GRAMD1B: variants seen among roughly 807,000 people sequenced by gnomAD.
GRAMD1B encodes the protein protein Aster-B.
Under a neutral mutation model 99.7 loss-of-function variants are expected in GRAMD1B, and 37 were observed. The observed-to-expected ratio is 0.37, with a 90% CI of 0.29 to 0.49. The LOEUF (loss-of-function observed/expected upper bound fraction) is 0.49. Ranked by LOEUF, GRAMD1B falls within the 20% of genes least tolerant of loss-of-function variation. GRAMD1B has a pLI of 0.98. For missense variants in GRAMD1B, 888 were observed against 1,009.2 expected (o/e 0.88, Z 1.63); for synonymous variants, 427 against 387.6 (o/e 1.10, Z -1.19).
At chr11:123,360,768 T>TTCCTTCC (rs1946113989) in intron 1 of GRAMD1B, among the ~76,000 whole-genome samples, 2 of 70,188 alleles carry the variant, frequency 2.8e-5, no homozygotes, top group South Asian at 5.7e-4. Flanking sequence ...TCCTTCCTTC[T>TTCCTTCC]TTCCTTCCTT....
chr11:123,588,394 G>A (rs983336154), intron 4 of GRAMD1B, among the ~76,000 whole-genome samples: 7 of 152,108 alleles, frequency 4.6e-5, no homozygotes, highest in African/African-American at 1.4e-4. Context: ...TTCTGCGTAC[G>A]GGACTCATCT....
In GRAMD1B at chr11:123,613,633, G is replaced by A; in HGVS notation, c.2202G>A (p.Val734=). ...SPVTTPTDED[V]GHRIKHVAGS... is the part of the protein sequence containing the mutation. ...TCACCACGCCCACAGATGAGGATGT[G>A]GGCCACAGGATCAAACATGTGGCAG... Residue 734 remains valine (V), a synonymous_variant, in exon 16 of 20, where the codon GTG becomes GTA. Transcript: ENST00000635736. The A allele has an allele frequency of 6.2e-7, 1 of 1,613,664 alleles. No homozygotes were observed. Among genetic ancestry groups the A allele is most frequent in the Admixed American group, 1.7e-5 (1 of 59,996 alleles).
intron 2 of GRAMD1B, among the ~76,000 whole-genome samples, chr11:123,496,091 C>A (rs1054548802): frequency 6.6e-6 from 1 of 152,114 alleles, no homozygotes; most frequent in Non-Finnish European, 1.5e-5. Flanking sequence ...TCATTAACAT[C>A]CTTTTCTTTC....
At position 123,431,034 on chromosome 11, in the gene GRAMD1B, A is replaced by C. The variant is rs1482983766; in HGVS notation, c.242A>C (p.Glu81Ala). ...GKEFLQLPSI[E>A]ITPSSDEDTP... The stretch of plus-strand genomic sequence containing the variant: ...GAGTTCCTGCAGCTGCCGTCCATCG[A>C]GATCACGCCCTCCAGCGACGAGGAC... Residue 81 changes from glutamate to alanine, a missense_variant, in exon 1 of 20, where the codon GAG (glutamate) becomes GCG (alanine). This residue lies in a region of GRAMD1B where 233 missense variants were observed against 154.6 expected (regional missense o/e 1.51). Coordinates refer to ENST00000635736, the MANE Select transcript of GRAMD1B (RefSeq NM_001387025.1). 1.4e-6 allele frequency: 1 copy of C among 702,874 alleles called. No individual in the cohort carries two copies. Among genetic ancestry groups the C allele is most frequent in the East Asian group, 2.7e-5 (1 of 37,288 alleles). 43.5% of individuals were successfully genotyped at this position (702,874 alleles called of 1,614,324 possible). A position where few individuals can be genotyped will look rare whatever the true frequency, so the allele number is the denominator to read the frequency against.
At chr11:123,601,814 A>AT (rs1275769288) in intron 8 of GRAMD1B, among the ~76,000 whole-genome samples, 1 of 152,214 alleles carries the variant, frequency 6.6e-6, no homozygotes, top group Non-Finnish European at 1.5e-5. Context: ...TTTTTAAGTA[A>AT]GACACAGGGT....
At chr11:123,422,565 A>G (rs1255549965) in intron 1 of GRAMD1B, among the ~76,000 whole-genome samples, 1 of 152,228 alleles carries the variant, frequency 6.6e-6, no homozygotes, top group Non-Finnish European at 1.5e-5. Flanking sequence ...TATCAGAACA[A>G]ACCAGGCAAC....
intron 3 of GRAMD1B, among the ~76,000 whole-genome samples, chr11:123,577,904 C>T (rs1032381843): frequency 6.6e-6 from 1 of 151,742 alleles, no homozygotes; most frequent in African/African-American, 2.4e-5. Context: ...TTCCTAGAGC[C>T]GGGGTAGAAG....
At chr11:123,558,817 G>A (rs1281313323) in intron 2 of GRAMD1B, among the ~76,000 whole-genome samples, 1 of 152,188 alleles carries the variant, frequency 6.6e-6, no homozygotes, top group Non-Finnish European at 1.5e-5. Flanking sequence ...GATACTGTGC[G>A]GCTGCTGTTC....
chr11:123,434,614 C>G lies in GRAMD1B; in HGVS notation c.374+3448C>G, dbSNP rs182321910. 1.8e-4 allele frequency among the ~76,000 whole-genome samples: 28 copies of G among 152,154 alleles called. No homozygotes were observed. In the East Asian group the frequency reaches 3.3e-3, roughly 18 times the overall value. On this transcript the variant is annotated intron_variant, in intron 1 of 19. Coordinates refer to ENST00000635736, the MANE Select transcript of GRAMD1B (RefSeq NM_001387025.1). ...ACCAGCCTAGCCAACATGGCAAAAC[C>G]CTGTTGCTACTAAAAATACAAAAAT... is the stretch of plus-strand genomic sequence containing the variant.
At chr11:123,511,715 G>T (rs937876393) in intron 2 of GRAMD1B, among the ~76,000 whole-genome samples, 1 of 152,194 alleles carries the variant, frequency 6.6e-6, no homozygotes, top group Admixed American at 6.5e-5. Flanking sequence ...TCTGGAGCAG[G>T]TTGGGTATCC....
Position 123,618,612 on chromosome 11 carries a change from A to T in GRAMD1B, c.2319-81A>T, listed in dbSNP as rs565531165. The T allele has an allele frequency of 1.8e-5, 16 of 868,266 alleles. No homozygotes were observed. In the African/African-American group the frequency reaches 2.7e-4, roughly 14 times the overall value. 53.8% of individuals were successfully genotyped at this position (868,266 alleles called of 1,614,324 possible). A position where few individuals can be genotyped will look rare whatever the true frequency, so the allele number is the denominator to read the frequency against. ...TTTGGATGGCCCACCGGTCAGGGAC[A>T]GCAGCCTCTGGGATGGGGGATGTCC... On this transcript the variant is annotated intron_variant, in intron 17 of 19. Transcript: ENST00000635736.
chr11:123,393,164 T>G (rs76583376), intron 1 of GRAMD1B, among the ~76,000 whole-genome samples: 8,504 of 152,210 alleles, frequency 0.056, 307 homozygotes, highest in African/African-American at 0.1. Flanking sequence ...ATTTTACAGA[T>G]GAGGAAATCA....
In GRAMD1B at chr11:123,622,617, G is replaced by T. The variant is rs1371935649; in HGVS notation, c.*22G>T. The T allele has an allele frequency of 5.7e-6, 7 of 1,225,578 alleles. No individual in the cohort carries two copies. Among genetic ancestry groups the T allele is most frequent in the Non-Finnish European group, 8.2e-6 (7 of 852,460 alleles). 75.9% of individuals were successfully genotyped at this position (1,225,578 alleles called of 1,614,324 possible). A position where few individuals can be genotyped will look rare whatever the true frequency, so the allele number is the denominator to read the frequency against. ...TTGACAAGGCAGGAACAGGGTGGCT[G>T]CAAGAGGCCTGTGCAATACATGTAC... On this transcript the variant is annotated 3_prime_UTR_variant, in exon 20 of 20. Transcript: ENST00000635736.
chr11:123,406,365 C>A (rs11219132), intron 1 of GRAMD1B, among the ~76,000 whole-genome samples: 1 of 151,936 alleles, frequency 6.6e-6, no homozygotes, highest in African/African-American at 2.4e-5. Flanking sequence ...GTGATTCTCC[C>A]GCCTCAGCCT....
intron 1 of GRAMD1B, among the ~76,000 whole-genome samples, chr11:123,406,277 G>A (rs1347914023): frequency 2.2e-5 from 3 of 138,778 alleles, no homozygotes; most frequent in East Asian, 2.1e-4. Flanking sequence ...TTTTTGAGAC[G>A]GAGTCTCACT....
intron 2 of GRAMD1B, among the ~76,000 whole-genome samples, chr11:123,540,215 AC>A (rs1192957249): frequency 6.6e-6 from 1 of 151,330 alleles, no homozygotes; most frequent in African/African-American, 2.4e-5. Flanking sequence ...ATAGGTGTGC[AC>A]CACCATACTC....
At chr11:123,411,796 C>G (rs1417554699) in intron 1 of GRAMD1B, among the ~76,000 whole-genome samples, 3 of 152,070 alleles carry the variant, frequency 2.0e-5, no homozygotes, top group African/African-American at 7.2e-5. Context: ...TACAGGTGTG[C>G]ACCACCATGC....
At chr11:123,457,911 C>T (rs1950233657) in intron 1 of GRAMD1B, among the ~76,000 whole-genome samples, 1 of 152,030 alleles carries the variant, frequency 6.6e-6, no homozygotes, top group African/African-American at 2.4e-5. Context: ...AGACAGGGTC[C>T]TGCTATGTTA....
At chr11:123,383,535 A>T (rs2135804158) in intron 1 of GRAMD1B, among the ~76,000 whole-genome samples, 1 of 152,250 alleles carries the variant, frequency 6.6e-6, no homozygotes, top group South Asian at 2.1e-4. Flanking sequence ...TGGTTCATTC[A>T]TGTTAAGTGT....
Sources: allele counts gnomAD v4.1 joint callset (sites outside exome capture counted in the v4.1 genomes callset), GRCh38; gene constraint gnomAD v4.1.1; regional missense constraint gnomAD v4.1.1; transcripts MANE v1.5; gene names NCBI Gene and HGNC (gene_info 2026-07-23, HGNC 2026-07-21).